EPHA1: variants seen among roughly 807,000 people sequenced by gnomAD.
The protein encoded by EPHA1 is EPH receptor A1.
In EPHA1, 92 loss-of-function variants were observed where a neutral mutation model predicts 110.1. The observed-to-expected ratio is 0.84, with a 90% CI of 0.71 to 0.99. The LOEUF (loss-of-function observed/expected upper bound fraction) is 0.99. Ranked by LOEUF, EPHA1 falls within the 50% of genes least tolerant of loss-of-function variation. The probability of loss-of-function intolerance (pLI) is 0.00; values close to 1 mark genes in which losing one functional copy is unlikely to be tolerated. For missense variants in EPHA1, 1,204 were observed against 1,285.4 expected, an observed-to-expected ratio of 0.94 and a Z score of 0.97; for synonymous variants, 500 against 516.1, an observed-to-expected ratio of 0.97 and a Z score of 0.42.
At position 143,399,631 on chromosome 7, in the gene EPHA1, C is replaced by T; in HGVS notation, c.835+20G>A. On this transcript the variant is annotated intron_variant, in intron 4 of 17. Transcript: ENST00000275815. ...ATCCTCCCGAGTGGTTCCTCAGGTT[C>T]TCACCGCCTCCGTTCTTACCAACAC... is the stretch of plus-strand genomic sequence containing the variant. 2 of 1,611,876 alleles carry T rather than the reference C, an allele frequency of 1.2e-6. No homozygotes were observed. Among genetic ancestry groups the T allele is most frequent in the Non-Finnish European group, 1.7e-6 (2 of 1,179,642 alleles).
At chr7:143,406,370 G>A (rs1365465466) in intron 2 of EPHA1, among the ~76,000 whole-genome samples, 1 of 152,198 alleles carries the variant, frequency 6.6e-6, no homozygotes, top group Non-Finnish European at 1.5e-5. Flanking sequence ...ACATGATTAG[G>A]TCCCTGCAGG....
chr7:143,405,089 G>A (rs1383619431), intron 2 of EPHA1, among the ~76,000 whole-genome samples: 1 of 152,132 alleles, frequency 6.6e-6, no homozygotes, highest in Non-Finnish European at 1.5e-5. Flanking sequence ...GATTGGGCAA[G>A]GGGTGTCTAA....
In EPHA1 at chr7:143,401,267, A is replaced by C. The variant is rs1586585621; in HGVS notation, c.432+57T>G. 6.3e-7 allele frequency: 1 copy of C among 1,582,370 alleles called. No individual in the cohort carries two copies. The highest frequency in any genetic ancestry group is 8.6e-7 in the Non-Finnish European group (1 of 1,164,428). On this transcript the variant is annotated intron_variant, in intron 3 of 17. Coordinates refer to ENST00000275815, the MANE Select transcript of EPHA1 (RefSeq NM_005232.5). The surrounding 1 kb of genome is among the most constrained non-coding windows in gnomAD (Gnocchi z 4.1). ...TCTCTGCAACCTTCTCTGGCACCCAATAAGGAGCCACCAGGGATCTGCACC... is the reference window on the plus strand; with the variant it reads ...TCTCTGCAACCTTCTCTGGCACCCACTAAGGAGCCACCAGGGATCTGCACC...
chr7:143,399,113 G>C, intron 5 of EPHA1, 145 bp downstream of exon 5: 1 of 1,238,578 alleles, frequency 8.1e-7, no homozygotes, highest in South Asian at 1.4e-5. Flanking sequence ...GGGAGAGCAG[G>C]GTGCCAGGGC....
rs1156911165 is a variant in EPHA1, at chr7:143,401,894, A to G, written c.151-289T>C. On this transcript the variant is annotated intron_variant, in intron 2 of 17. Coordinates refer to ENST00000275815, the MANE Select transcript of EPHA1 (RefSeq NM_005232.5). This position sits in a 1 kb window ranked among gnomAD's most constrained non-coding sequence, Gnocchi z 4.1. The stretch of plus-strand genomic sequence containing the variant: ...ATCAGCAGAACAGCCAGGTACCCCC[A>G]AGGCAAAGCTCATTTACAAAACCCT... Among the ~76,000 whole-genome samples the G allele has an allele frequency of 6.6e-6, 1 of 152,148 alleles. No individual in the cohort carries two copies. The highest frequency in any genetic ancestry group is 1.5e-5 in the Non-Finnish European group (1 of 68,018).
At chr7:143,392,047 G>A (rs557804762) in intron 16 of EPHA1, among the ~76,000 whole-genome samples, 2 of 152,324 alleles carry the variant, frequency 1.3e-5, no homozygotes, top group Admixed American at 6.5e-5. Flanking sequence ...ATCACCAGCC[G>A]GTCTCCTGCT....
chr7:143,398,336 C>A lies in EPHA1; in HGVS notation c.1449G>T (p.Leu483=). 6.2e-7 allele frequency: 1 copy of A among 1,614,088 alleles called. No individual in the cohort carries two copies. The highest frequency in any genetic ancestry group is 1.1e-5 in the South Asian group (1 of 91,082). Residue 483 remains leucine, a synonymous_variant, in exon 7 of 18, where the codon CTG becomes CTT. Transcript: ENST00000275815. The part of the protein sequence containing the change: ...RSPGANLTYE[L]HVLNQDEERY... ...GCATCCTGACCTGGTTCAGCACGTGCAGCTCATAGGTCAGGTTCGCCCCAG... is the reference window on the plus strand; with the variant it reads ...GCATCCTGACCTGGTTCAGCACGTGAAGCTCATAGGTCAGGTTCGCCCCAG...
At position 143,400,141 on chromosome 7, in the gene EPHA1, T is replaced by C. The variant is rs188927107; in HGVS notation, c.433-88A>G. ...AGAAACAATCGTTTGCTTAATACTTTCCACAACCATGAACACTGAGCCTTG... is the reference window on the plus strand; with the variant it reads ...AGAAACAATCGTTTGCTTAATACTTCCCACAACCATGAACACTGAGCCTTG... On this transcript the variant is annotated intron_variant, in intron 3 of 17. Transcript: ENST00000275815. 1.9e-3 allele frequency: 2,683 copies of C among 1,432,818 alleles called. 39 individuals are homozygous for C. The African/African-American group carries it at 0.034, about 18-fold the overall frequency. The allele number at this position is 1,432,818 out of a possible 1,614,324, so 88.8% of individuals were successfully genotyped here. A position where few individuals can be genotyped will look rare whatever the true frequency, so the allele number is the denominator to read the frequency against.
Position 143,398,799 on chromosome 7 carries a change from C to T in EPHA1, c.1138G>A (p.Gly380Arg), listed in dbSNP as rs760945286. The change falls in exon 6 of 18, where the codon GGG (glycine) becomes AGG (arginine). Residue 380 changes from glycine to arginine, a missense_variant. Coordinates refer to ENST00000275815, the MANE Select transcript of EPHA1 (RefSeq NM_005232.5). Reference sequence around the variant, plus strand: ...ACCCCACAGGGCTGGCAGGGCCCCCCGTCCTGTGCTGTGCCCTGACACTGG... The same window carrying T: ...ACCCCACAGGGCTGGCAGGGCCCCCTGTCCTGTGCTGTGCCCTGACACTGG... Reference protein sequence around the residue: ...CSQCQGTAQDGGPCQPCGVGV... With the variant: ...CSQCQGTAQDRGPCQPCGVGV... 2.4e-5 allele frequency: 38 copies of T among 1,613,486 alleles called. 1 individual carries two copies. Among genetic ancestry groups the T allele is most frequent in the Middle Eastern group, 1.6e-4 (1 of 6,082 alleles).
Position 143,399,938 on chromosome 7 carries a change from A to G in EPHA1, c.548T>C (p.Leu183Pro), listed in dbSNP as rs1437597746. 6.2e-7 allele frequency: 1 copy of G among 1,613,874 alleles called. No homozygotes were observed. The change falls in exon 4 of 18, where the codon CTC (leucine) becomes CCC (proline). Residue 183 changes from leucine (L) to proline (P), a missense_variant. Coordinates refer to ENST00000275815, the MANE Select transcript of EPHA1 (RefSeq NM_005232.5). ...LGRLTRRGLY[L>P]AFHNPGACVA... Reference sequence around the variant, plus strand: ...ACAGGCACCCGGGTTGTGGAAAGCGAGGTAGAGGCCACGGCGGGTCAGGCG... The same window carrying G: ...ACAGGCACCCGGGTTGTGGAAAGCGGGGTAGAGGCCACGGCGGGTCAGGCG...
intron 7 of EPHA1, 56 bp downstream of exon 7, chr7:143,398,265 T>G: frequency 6.2e-7 from 1 of 1,607,126 alleles, no homozygotes; most frequent in Middle Eastern, 1.7e-4. Flanking sequence ...AGGCTAGGAA[T>G]GTTGGGGTGT....
At chr7:143,394,386 A>C in intron 14 of EPHA1, 43 bp from the exon 15 acceptor site, 1 of 1,568,868 alleles carries the variant, frequency 6.4e-7, no homozygotes, top group Non-Finnish European at 8.6e-7. Context: ...TATGGTGTCC[A>C]CCTGAGCACG....
intron 2 of EPHA1, among the ~76,000 whole-genome samples, chr7:143,403,010 T>C (rs1805462162): frequency 6.6e-6 from 1 of 152,250 alleles, no homozygotes; most frequent in East Asian, 1.9e-4. Flanking sequence ...TTTCTGAGTT[T>C]TGCTTTCAAC....
chr7:143,391,664 C>T lies in EPHA1; in HGVS notation c.2808G>A (p.Ser936=), dbSNP rs184969590. Residue 936 remains serine, a synonymous_variant, in exon 17 of 18, where the codon TCG becomes TCA. Coordinates refer to ENST00000275815, the MANE Select transcript of EPHA1 (RefSeq NM_005232.5). ...CACACTCCATGGTGTCCAGCCCAGC[C>T]GAGTGGAAGTGCAGGATGTAGCGTT... The part of the protein sequence containing the change: ...RMKRYILHFH[S]AGLDTMECVL... 6.2e-6 allele frequency: 10 copies of T among 1,614,098 alleles called. No homozygotes were observed. In the East Asian group the frequency reaches 8.9e-5, roughly 14 times the overall value.
In EPHA1 at chr7:143,393,750, A is replaced by G. The variant is rs1418235400; in HGVS notation, c.2617T>C (p.Phe873Leu). ...WAYDRARRPH[F>L]QKLQAHLEQL... ...TCCAGATGTGCCTGAAGCTTCTGGAAGTGTGGCCGGCGGGCACGGTCATAT... is the reference window on the plus strand; with the variant it reads ...TCCAGATGTGCCTGAAGCTTCTGGAGGTGTGGCCGGCGGGCACGGTCATAT... The change falls in exon 16 of 18, where the codon TTC becomes CTC. Residue 873 changes from phenylalanine to leucine, a missense_variant. Transcript: ENST00000275815. The surrounding 1 kb of genome is among the most constrained non-coding windows in gnomAD (Gnocchi z 5.6). The G allele has an allele frequency of 1.9e-6, 3 of 1,613,794 alleles. No individual in the cohort carries two copies. The highest frequency in any genetic ancestry group is 2.5e-6 in the Non-Finnish European group (3 of 1,179,918).
chr7:143,391,350 AGCCTAGTCTG>A lies in EPHA1; in HGVS notation c.*97_*106del, dbSNP rs1294545778. On this transcript the variant is annotated 3_prime_UTR_variant, in exon 18 of 18. Coordinates refer to ENST00000275815, the MANE Select transcript of EPHA1 (RefSeq NM_005232.5). ...GAAAGTGGGCAGAAGCAGCACCGAT[AGCCTAGTCTG>A]GCAGGTTGTGGGAAGGGGCGCAGGG... 1 of 1,344,684 alleles carries A rather than the reference AGCCTAGTCTG, an allele frequency of 7.4e-7. No individual in the cohort carries two copies. Among genetic ancestry groups the A allele is most frequent in the Non-Finnish European group, 1.0e-6 (1 of 967,592 alleles). 83.3% of individuals were successfully genotyped at this position (1,344,684 alleles called of 1,614,324 possible).
intron 8 of EPHA1, 43 bp downstream of exon 8, chr7:143,397,877 C>T (rs993182669): frequency 1.8e-5 from 29 of 1,605,208 alleles, no homozygotes; most frequent in Non-Finnish European, 2.5e-5. Flanking sequence ...CTCAGTGAGG[C>T]AACAGGTGTA....
intron 2 of EPHA1, among the ~76,000 whole-genome samples, chr7:143,406,791 G>A (rs1805562952): frequency 6.6e-6 from 1 of 152,208 alleles, no homozygotes; most frequent in South Asian, 2.1e-4. Flanking sequence ...ACAGGTCACC[G>A]AAGTGATTTG....
Position 143,399,840 on chromosome 7 carries a change from C to T in EPHA1, c.646G>A (p.Asp216Asn), listed in dbSNP as rs754557302. ...ETLNGLAQFPDTLPGPAGLVE... is the reference protein window; with the variant it reads ...ETLNGLAQFPNTLPGPAGLVE... ...AACCCAGCGGGGCCAGGCAGAGTGT[C>T]TGGGAATTGGGCCAAGCCATTCAGG... is the stretch of plus-strand genomic sequence containing the variant. Residue 216 changes from aspartate to asparagine, a missense_variant, in exon 4 of 18, where the codon GAC becomes AAC. Coordinates refer to ENST00000275815, the MANE Select transcript of EPHA1 (RefSeq NM_005232.5). The T allele has an allele frequency of 4.4e-6, 7 of 1,608,082 alleles. No homozygotes were observed. The highest frequency in any genetic ancestry group is 5.9e-6 in the Non-Finnish European group (7 of 1,177,068).
Sources: gnomAD v4.1 joint callset for allele counts (sites outside exome capture counted in the v4.1 genomes callset) on GRCh38, gnomAD v4.1.1 for gene constraint, Gnocchi (gnomAD v3.1) non-coding constraint, MANE v1.5 for transcripts, NCBI Gene and HGNC (gene_info 2026-07-23, HGNC 2026-07-21) for gene names.